Variants in IRS1 observed in about 807,000 individuals in gnomAD.
IRS1 encodes the protein insulin receptor substrate 1.
A neutral mutation model predicts 65.6 loss-of-function variants in IRS1; 34 were observed. That is an observed-to-expected ratio of 0.52 (90% CI 0.39 to 0.69). The LOEUF (loss-of-function observed/expected upper bound fraction) is 0.69, where lower values mean the gene tolerates loss of function less well. Ranked by LOEUF, IRS1 falls within the 30% of genes least tolerant of loss-of-function variation. The pLI is 0.00. For missense variants in IRS1, 1,641 were observed against 1,720.2 expected (o/e 0.95, Z 0.81); for synonymous variants, 699 against 683.5 (o/e 1.02, Z -0.35).
At position 226,798,395 on chromosome 2, in the gene IRS1, T is replaced by C. The variant is rs754853763; in HGVS notation, c.344A>G (p.Asn115Ser). 1 of 1,613,908 alleles carries C rather than the reference T, an allele frequency of 6.2e-7. No homozygotes were observed. Among genetic ancestry groups the C allele is most frequent in the Non-Finnish European group, 8.5e-7 (1 of 1,179,974 alleles). ...TCCGTCGTGGTGGCCCTTAGCACGG[T>C]TGTGCAGCTGTAGGAGAGCCTGGTA... is the stretch of plus-strand genomic sequence containing the variant. ...SWYQALLQLH[N>S]RAKGHHDGAA... is the part of the protein sequence containing the mutation. The change falls in exon 1 of 2, where the codon AAC (asparagine) becomes AGC (serine). Residue 115 changes from asparagine (N) to serine (S), a missense_variant. This residue lies in a region of IRS1 where 240 missense variants were observed against 229.6 expected (regional missense o/e 1.05). Coordinates refer to ENST00000305123, the MANE Select transcript of IRS1 (RefSeq NM_005544.3). The surrounding 1 kb of genome is among the most constrained non-coding windows in gnomAD (Gnocchi z 9.4).
chr2:226,747,234 T>G lies in IRS1; in HGVS notation c.*22-10984A>C, dbSNP rs147521144. ...CAACTTTTAGCTAAGGAACCGCCAT[T>G]AAGAAGTATTTATAGTGACTGTTAT... On this transcript the variant is annotated intron_variant, in intron 1 of 1. Coordinates refer to ENST00000305123, the MANE Select transcript of IRS1 (RefSeq NM_005544.3). Among the ~76,000 whole-genome samples the G allele has an allele frequency of 1.6e-4, 25 of 152,252 alleles. No homozygotes were observed. In the East Asian group the frequency reaches 4.8e-3, roughly 29 times the overall value.
chr2:226,775,006 T>A (rs1402028816), intron 1 of IRS1, among the ~76,000 whole-genome samples: 1 of 152,218 alleles, frequency 6.6e-6, no homozygotes, highest in African/African-American at 2.4e-5. Flanking sequence ...TGCATGATAC[T>A]GTAATGGTAA....
At chr2:226,784,837 C>T (rs16822642) in intron 1 of IRS1, among the ~76,000 whole-genome samples, 24,357 of 152,152 alleles carry the variant, frequency 0.16, 2,506 homozygotes, top group South Asian at 0.27. Flanking sequence ...TAGCAGGGTA[C>T]CAGTCATAAA....
chr2:226,783,108 G>A (rs528407969), intron 1 of IRS1, among the ~76,000 whole-genome samples: 34 of 152,264 alleles, frequency 2.2e-4, no homozygotes, highest in African/African-American at 6.5e-4. Flanking sequence ...AGAGACAACC[G>A]CATCTACTAC....
In IRS1 at chr2:226,799,197, A is replaced by T; in HGVS notation, c.-459T>A. The T allele has an allele frequency of 9.1e-7, 1 of 1,103,518 alleles. No individual in the cohort carries two copies. Among genetic ancestry groups the T allele is most frequent in the South Asian group, 2.3e-5 (1 of 43,746 alleles). The allele number at this position is 1,103,518 out of a possible 1,614,324, so 68.4% of individuals were successfully genotyped here. A position where few individuals can be genotyped will look rare whatever the true frequency, so the allele number is the denominator to read the frequency against. On this transcript the variant is annotated 5_prime_UTR_variant, in exon 1 of 2. Coordinates refer to ENST00000305123, the MANE Select transcript of IRS1 (RefSeq NM_005544.3). This position sits in a 1 kb window ranked among gnomAD's most constrained non-coding sequence, Gnocchi z 6.1. Reference sequence around the variant, plus strand: ...TCCCCTCTGGAAGCAGCGATTCCCGAGGCAAATTAAATATCCTTGGGCAGG... The same window carrying T: ...TCCCCTCTGGAAGCAGCGATTCCCGTGGCAAATTAAATATCCTTGGGCAGG...
intron 1 of IRS1, among the ~76,000 whole-genome samples, chr2:226,752,907 A>G (rs1938712373): frequency 6.6e-6 from 1 of 152,248 alleles, no homozygotes; most frequent in Non-Finnish European, 1.5e-5. Context: ...ACGGTAAAAC[A>G]GTGATAAAAT....
chr2:226,743,982 C>A (rs547704332), intron 1 of IRS1, among the ~76,000 whole-genome samples: 1 of 152,208 alleles, frequency 6.6e-6, no homozygotes, highest in Non-Finnish European at 1.5e-5. Context: ...TCCCTGGAGT[C>A]AAATTGCTTC....
intron 1 of IRS1, among the ~76,000 whole-genome samples, chr2:226,778,798 C>T (rs548079751): frequency 1.3e-5 from 2 of 152,352 alleles, no homozygotes; most frequent in Admixed American, 6.5e-5. Flanking sequence ...ACATCCTTCT[C>T]TCAATATGTC....
At chr2:226,744,216 C>T (rs1574640692) in intron 1 of IRS1, among the ~76,000 whole-genome samples, 1 of 152,190 alleles carries the variant, frequency 6.6e-6, no homozygotes, top group Admixed American at 6.5e-5. Context: ...CTATTTCCTA[C>T]TCACCGCAAG....
intron 1 of IRS1, among the ~76,000 whole-genome samples, chr2:226,765,601 T>C (rs186596899): frequency 2.2e-4 from 34 of 152,286 alleles, no homozygotes; most frequent in Admixed American, 3.9e-4. Context: ...AGGAGTAAAG[T>C]ATCCATGGAG....
At chr2:226,756,834 C>A (rs565934721) in intron 1 of IRS1, among the ~76,000 whole-genome samples, 1 of 151,982 alleles carries the variant, frequency 6.6e-6, no homozygotes, top group Non-Finnish European at 1.5e-5. Flanking sequence ...CGATGGCGTG[C>A]GCCTGTGGTC....
rs144820119 is a variant in IRS1, at chr2:226,795,393, T to C, written c.3346A>G (p.Thr1116Ala). ...STPSATRVGN[T>A]VPFGAGAAVG... is the part of the protein sequence containing the mutation. ...GCTGCCCCCGCTCCAAAGGGCACTG[T>C]GTTGCCCACCCGGGTGGCACTGGGT... Residue 1116 changes from threonine (T) to alanine (A), a missense_variant, in exon 1 of 2, where the codon ACA (threonine) becomes GCA (alanine). Physicochemically the swap from Thr to Ala is moderately conservative, Grantham distance 58. Coordinates refer to ENST00000305123, the MANE Select transcript of IRS1 (RefSeq NM_005544.3). 4.3e-6 allele frequency: 7 copies of C among 1,613,332 alleles called. No homozygotes were observed. In the African/African-American group the frequency reaches 9.3e-5, roughly 21 times the overall value.
At chr2:226,790,288 G>GC (rs1305199065) in intron 1 of IRS1, among the ~76,000 whole-genome samples, 1 of 151,208 alleles carries the variant, frequency 6.6e-6, no homozygotes, top group African/African-American at 2.4e-5. Context: ...TTTTTCCATT[G>GC]CATCATTTAA....
intron 1 of IRS1, among the ~76,000 whole-genome samples, chr2:226,776,702 T>A (rs1199521647): frequency 6.6e-6 from 1 of 152,036 alleles, no homozygotes; most frequent in Non-Finnish European, 1.5e-5. Flanking sequence ...AGGTCAGGAG[T>A]TCATGGCCAG....
chr2:226,732,371 A>G lies in IRS1; in HGVS notation c.*3901T>C, dbSNP rs1372975131. On this transcript the variant is annotated 3_prime_UTR_variant, in exon 2 of 2. Coordinates refer to ENST00000305123, the MANE Select transcript of IRS1 (RefSeq NM_005544.3). Reference sequence around the variant, plus strand: ...GTTTTTGTTCTCCATAACTGAGCTCACAGTCTAGAGGTCTTTTAGTCTTGG... The same window carrying G: ...GTTTTTGTTCTCCATAACTGAGCTCGCAGTCTAGAGGTCTTTTAGTCTTGG... 6.6e-6 allele frequency: 1 copy of G among 151,714 alleles called. No individual in the cohort carries two copies. Among genetic ancestry groups the G allele is most frequent in the South Asian group, 2.1e-4 (1 of 4,812 alleles). 9.4% of individuals were successfully genotyped at this position (151,714 alleles called of 1,614,324 possible).
intron 1 of IRS1, among the ~76,000 whole-genome samples, chr2:226,758,782 A>T (rs1004272180): frequency 9.2e-5 from 14 of 152,190 alleles, no homozygotes; most frequent in African/African-American, 2.7e-4. Context: ...ATGAGGTTAA[A>T]TGATTGGATG....
Position 226,795,154 on chromosome 2 carries a change from G to T in IRS1, c.3585C>A (p.Cys1195Ter). Residue 1195 changes from cysteine (C) to a stop codon, truncating the protein, a stop_gained, in exon 1 of 2, where the codon TGC becomes TGA. Transcript: ENST00000305123. LOFTEE classifies it high-confidence loss of function. ...GTGGGGGAGGCTGCGGTTCAGGGGT[G>T]CACTCCTGAGGGCACTGTTTGAAGT... is the stretch of plus-strand genomic sequence containing the variant. ...VKDFKQCPQE[C>*]TPEPQPPPPP... The T allele has an allele frequency of 6.2e-7, 1 of 1,613,692 alleles. No individual in the cohort carries two copies. Among genetic ancestry groups the T allele is most frequent in the Non-Finnish European group, 8.5e-7 (1 of 1,179,934 alleles).
At chr2:226,741,988 T>A (rs1404069426) in intron 1 of IRS1, among the ~76,000 whole-genome samples, 1 of 152,126 alleles carries the variant, frequency 6.6e-6, no homozygotes, top group East Asian at 1.9e-4. Context: ...GAAACGCTTA[T>A]TAAAGGAAGT....
At chr2:226,752,480 C>A (rs1471556673) in intron 1 of IRS1, among the ~76,000 whole-genome samples, 3 of 152,156 alleles carry the variant, frequency 2.0e-5, no homozygotes, top group Admixed American at 6.5e-5. Context: ...TATTACATGG[C>A]AATTTCATTC....
Sources: allele counts gnomAD v4.1 joint callset (sites outside exome capture counted in the v4.1 genomes callset), GRCh38; gene constraint gnomAD v4.1.1; regional missense constraint gnomAD v4.1.1; non-coding constraint Gnocchi (gnomAD v3.1); transcripts MANE v1.5; gene names NCBI Gene and HGNC (gene_info 2026-07-23, HGNC 2026-07-21).